The following PLCG1 variants were observed in gnomAD, a reference collection of about 807,000 sequenced individuals.
PLCG1 encodes 1-phosphatidylinositol 4,5-bisphosphate phosphodiesterase gamma-1.
Under a neutral mutation model 177.8 loss-of-function variants are expected in PLCG1, and 71 were observed. The observed-to-expected ratio is 0.40, with a 90% CI of 0.33 to 0.49. The LOEUF (loss-of-function observed/expected upper bound fraction) is 0.49, where lower values mean the gene tolerates loss of function less well. Ranked by LOEUF, PLCG1 falls within the 20% of genes least tolerant of loss-of-function variation. The pLI, the probability that PLCG1 is intolerant of heterozygous loss-of-function variation, is 0.72. For missense variants in PLCG1, 1,281 were observed against 1,709.0 expected, an observed-to-expected ratio of 0.75 and a Z score of 4.42; for synonymous variants, 658 against 647.9, an observed-to-expected ratio of 1.02 and a Z score of -0.24.
chr20:41,141,732 G>A lies in PLCG1; in HGVS notation c.217+3874G>A, dbSNP rs374005158. ...TTCCTCAGCACCCCAGGCTTGCCCC[G>A]ATGTGTGGGTTTCCAGGCCCCCCCG... On this transcript the variant is annotated intron_variant, in intron 1 of 31. Transcript: ENST00000685551. 5.6e-4 allele frequency among the ~76,000 whole-genome samples: 85 copies of A among 152,326 alleles called. 1 individual carries two copies. Among genetic ancestry groups the A allele is most frequent in the East Asian group, 5.2e-3 (27 of 5,188 alleles).
In PLCG1 at chr20:41,144,472, T is replaced by C. The variant is rs2034934439; in HGVS notation, c.217+6614T>C. On this transcript the variant is annotated intron_variant, in intron 1 of 31. Coordinates refer to ENST00000685551, the MANE Select transcript of PLCG1 (RefSeq NM_002660.3). The surrounding 1 kb of genome is among the most constrained non-coding windows in gnomAD (Gnocchi z 4.1). ...GCACTCATCCTTGCCACAACACCGG[T>C]GTCGAGATGCTTGGCCCACCCAGAC... is the stretch of plus-strand genomic sequence containing the variant. Among the ~76,000 whole-genome samples, 1 of 152,112 alleles carries C rather than the reference T, an allele frequency of 6.6e-6. No individual in the cohort carries two copies. The highest frequency in any genetic ancestry group is 1.9e-4 in the East Asian group (1 of 5,192).
At position 41,163,171 on chromosome 20, in the gene PLCG1, C is replaced by T; in HGVS notation, c.717-32C>T. ...GTGGGGCACCTTGTTGTCTGTTGAC[C>T]ATACTAGCTAGCTTACCTTCTCTCC... On this transcript the variant is annotated intron_variant, in intron 7 of 31. Coordinates refer to ENST00000685551, the MANE Select transcript of PLCG1 (RefSeq NM_002660.3). The surrounding 1 kb of genome is among the most constrained non-coding windows in gnomAD (Gnocchi z 5.2). 6.5e-7 allele frequency: 1 copy of T among 1,545,282 alleles called. No homozygotes were observed. Among genetic ancestry groups the T allele is most frequent in the Non-Finnish European group, 8.7e-7 (1 of 1,145,374 alleles).
rs1600681499 is a variant in PLCG1 at position 41,174,836 on chromosome 20, C to T, written c.*327C>T. ...CGAAGCCCCTTGGAGAGAGAGGCTG[C>T]CTCAGCCAGTGGCACAGGAGACTCC... On this transcript the variant is annotated 3_prime_UTR_variant, in exon 32 of 32. Transcript: ENST00000685551. The surrounding 1 kb of genome is among the most constrained non-coding windows in gnomAD (Gnocchi z 5.8). 1 of 335,166 alleles carries T rather than the reference C, an allele frequency of 3.0e-6. No homozygotes were observed. The highest frequency in any genetic ancestry group is 5.6e-6 in the Non-Finnish European group (1 of 178,492). 20.8% of individuals were successfully genotyped at this position (335,166 alleles called of 1,614,324 possible). A position where few individuals can be genotyped will look rare whatever the true frequency, so the allele number is the denominator to read the frequency against.
rs2035617356 is a variant in PLCG1 at position 41,164,527 on chromosome 20, A to C, written c.1217+326A>C. Among the ~76,000 whole-genome samples the C allele has an allele frequency of 6.6e-6, 1 of 152,076 alleles. No homozygotes were observed. The highest frequency in any genetic ancestry group is 2.4e-5 in the African/African-American group (1 of 41,398). On this transcript the variant is annotated intron_variant, in intron 12 of 31. Coordinates refer to ENST00000685551, the MANE Select transcript of PLCG1 (RefSeq NM_002660.3). This position sits in a 1 kb window ranked among gnomAD's most constrained non-coding sequence, Gnocchi z 6.4. ...GCCAACTCCTTTGCCCTCACAGCCC[A>C]GAAGATTGTCTCTGTTCCCTGTGTC... is the stretch of plus-strand genomic sequence containing the variant.
In PLCG1 at chr20:41,173,359, G is replaced by A. The variant is rs920345015; in HGVS notation, c.3280-61G>A. ...CTCCACAGATGCTGACTGAGCCTCC[G>A]CAGTGGGGAATTGGAGGGAGCAGGA... On this transcript the variant is annotated intron_variant, in intron 27 of 31. Coordinates refer to ENST00000685551, the MANE Select transcript of PLCG1 (RefSeq NM_002660.3). The surrounding 1 kb of genome is among the most constrained non-coding windows in gnomAD (Gnocchi z 6.2). The A allele has an allele frequency of 4.6e-5, 67 of 1,470,632 alleles. No individual in the cohort carries two copies. The highest frequency in any genetic ancestry group is 1.2e-4 in the East Asian group (5 of 41,198). 91.1% of individuals were successfully genotyped at this position (1,470,632 alleles called of 1,614,324 possible).
rs1397363601 is a variant in PLCG1 at position 41,144,523 on chromosome 20, G to A, written c.217+6665G>A. ...CTTTCCCACACTCCTACATGGGGGTGAATGTAGCCGCTGATTGGGGGTGGG... is the reference window on the plus strand; with the variant it reads ...CTTTCCCACACTCCTACATGGGGGTAAATGTAGCCGCTGATTGGGGGTGGG... On this transcript the variant is annotated intron_variant, in intron 1 of 31. Transcript: ENST00000685551. The surrounding 1 kb of genome is among the most constrained non-coding windows in gnomAD (Gnocchi z 4.1). Among the ~76,000 whole-genome samples the A allele has an allele frequency of 2.0e-5, 3 of 152,114 alleles. No individual in the cohort carries two copies. Among genetic ancestry groups the A allele is most frequent in the African/African-American group, 7.2e-5 (3 of 41,416 alleles).
At position 41,160,772 on chromosome 20, in the gene PLCG1, AGC is replaced by A. The variant is rs1345503588; in HGVS notation, c.512+622_512+623del. On this transcript the variant is annotated intron_variant, in intron 4 of 31. Coordinates refer to ENST00000685551, the MANE Select transcript of PLCG1 (RefSeq NM_002660.3). The surrounding 1 kb of genome is among the most constrained non-coding windows in gnomAD (Gnocchi z 5.5). ...TTTGGCCATGTTGTATTTTGAAGAT[AGC>A]GCCAGAAAGAATGTCCTTAACAGAT... Among the ~76,000 whole-genome samples the A allele has an allele frequency of 2.0e-5, 3 of 152,196 alleles. No homozygotes were observed. Among genetic ancestry groups the A allele is most frequent in the African/African-American group, 7.2e-5 (3 of 41,440 alleles).
chr20:41,168,174 C>A (rs747671630), intron 20 of PLCG1, among the ~76,000 whole-genome samples: 1 of 152,180 alleles, frequency 6.6e-6, no homozygotes, highest in Non-Finnish European at 1.5e-5. Flanking sequence ...GTGGGTGACC[C>A]CTGTTTCCTT....
chr20:41,144,008 T>G lies in PLCG1; in HGVS notation c.217+6150T>G, dbSNP rs1377378804. Among the ~76,000 whole-genome samples, 1 of 152,226 alleles carries G rather than the reference T, an allele frequency of 6.6e-6. No individual in the cohort carries two copies. The highest frequency in any genetic ancestry group is 1.5e-5 in the Non-Finnish European group (1 of 68,044). On this transcript the variant is annotated intron_variant, in intron 1 of 31. Coordinates refer to ENST00000685551, the MANE Select transcript of PLCG1 (RefSeq NM_002660.3). The surrounding 1 kb of genome is among the most constrained non-coding windows in gnomAD (Gnocchi z 4.1). ...CAACAACCTGGGCTAGGAGTCTGTT[T>G]CCTACTTGCTTTCTGTGTTCCTTCC...
chr20:41,159,500 T>G lies in PLCG1; in HGVS notation c.218-106T>G. On this transcript the variant is annotated intron_variant, in intron 1 of 31. Coordinates refer to ENST00000685551, the MANE Select transcript of PLCG1 (RefSeq NM_002660.3). This position sits in a 1 kb window ranked among gnomAD's most constrained non-coding sequence, Gnocchi z 6.0. ...GTGGTCTTGGCTCTGCCTCTGGGGT[T>G]CCTCCCTGAGAGAGAGTGTAAGAAT... 8.6e-7 allele frequency: 1 copy of G among 1,158,994 alleles called. No individual in the cohort carries two copies. Among genetic ancestry groups the G allele is most frequent in the East Asian group, 2.4e-5 (1 of 41,288 alleles). The allele number at this position is 1,158,994 out of a possible 1,614,324, so 71.8% of individuals were successfully genotyped here.
chr20:41,173,775 T>C lies in PLCG1; in HGVS notation c.3518T>C (p.Leu1173Pro). The C allele has an allele frequency of 6.2e-7, 1 of 1,614,168 alleles. No homozygotes were observed. The highest frequency in any genetic ancestry group is 8.5e-7 in the Non-Finnish European group (1 of 1,180,000). Residue 1173 changes from leucine to proline, a missense_variant, in exon 29 of 32, where the codon CTG becomes CCG. By Grantham distance (98) the Leu-to-Pro change is moderately conservative. This residue lies in a region of PLCG1 where 153 missense variants were observed against 153.2 expected (regional missense o/e 1.00). Transcript: ENST00000685551. The surrounding 1 kb of genome is among the most constrained non-coding windows in gnomAD (Gnocchi z 6.2). The part of the protein sequence containing the change: ...EEDMFSDQNF[L>P]AQATFPVKGL... ...GACATGTTTAGTGACCAGAATTTCC[T>C]GGCTCAGGCTACTTTCCCAGTAAAA...
chr20:41,138,558 C>G (rs566341213), intron 1 of PLCG1, among the ~76,000 whole-genome samples: 1 of 151,664 alleles, frequency 6.6e-6, no homozygotes, highest in African/African-American at 2.4e-5. Context: ...CACTCAATGC[C>G]AGGGCAGGGA....
chr20:41,155,808 C>A (rs1568736256), intron 1 of PLCG1, among the ~76,000 whole-genome samples: 1 of 152,138 alleles, frequency 6.6e-6, no homozygotes, highest in African/African-American at 2.4e-5. Flanking sequence ...ACCAGCACTT[C>A]CCAGCATGGC....
chr20:41,138,228 G>A (rs2034676431), intron 1 of PLCG1, among the ~76,000 whole-genome samples: 1 of 152,156 alleles, frequency 6.6e-6, no homozygotes, highest in Admixed American at 6.5e-5. Flanking sequence ...CCCTGCACGG[G>A]AACCTGGGGC....
At chr20:41,171,382 T>C (rs2035890381) in intron 24 of PLCG1, among the ~76,000 whole-genome samples, 1 of 152,006 alleles carries the variant, frequency 6.6e-6, no homozygotes. Flanking sequence ...AGGTCAGGAC[T>C]TCGAGACCAG....
chr20:41,154,876 C>T (rs2035271203), intron 1 of PLCG1, among the ~76,000 whole-genome samples: 1 of 152,198 alleles, frequency 6.6e-6, no homozygotes, highest in Non-Finnish European at 1.5e-5. Flanking sequence ...CTTCACAGCT[C>T]CCAGAGTGCT....
chr20:41,143,004 T>C (rs1315487506), intron 1 of PLCG1, among the ~76,000 whole-genome samples: 1 of 152,202 alleles, frequency 6.6e-6, no homozygotes, highest in African/African-American at 2.4e-5. Flanking sequence ...CCATCCTCTC[T>C]TGCAGCTCTC....
chr20:41,147,387 C>T lies in PLCG1; in HGVS notation c.217+9529C>T, dbSNP rs928182535. On this transcript the variant is annotated intron_variant, in intron 1 of 31. Transcript: ENST00000685551. The surrounding 1 kb of genome is among the most constrained non-coding windows in gnomAD (Gnocchi z 4.0). ...TCACAAGAGGATGGCCTGGTTCTGG[C>T]CTGAGAACTGGTCTACACCGGAAGC... Among the ~76,000 whole-genome samples the T allele has an allele frequency of 6.6e-6, 1 of 152,240 alleles. No homozygotes were observed. Among genetic ancestry groups the T allele is most frequent in the African/African-American group, 2.4e-5 (1 of 41,462 alleles).
In PLCG1 at chr20:41,176,110, C is replaced by T. The variant is rs1363465637; in HGVS notation, c.*1601C>T. ...GCCTCTAGGACTTGGCAGCTGAAAT[C>T]TCTGGGCCCTTTCAACACAGTTGAA... is the stretch of plus-strand genomic sequence containing the variant. On this transcript the variant is annotated 3_prime_UTR_variant, in exon 32 of 32. Coordinates refer to ENST00000685551, the MANE Select transcript of PLCG1 (RefSeq NM_002660.3). 1.3e-5 allele frequency: 2 copies of T among 152,202 alleles called. No homozygotes were observed. Among genetic ancestry groups the T allele is most frequent in the African/African-American group, 4.8e-5 (2 of 41,434 alleles). The allele number at this position is 152,202 out of a possible 1,614,324, so 9.4% of individuals were successfully genotyped here. A position where few individuals can be genotyped will look rare whatever the true frequency, so the allele number is the denominator to read the frequency against.
Sources: allele counts gnomAD v4.1 joint callset (sites outside exome capture counted in the v4.1 genomes callset), GRCh38; gene constraint gnomAD v4.1.1; regional missense constraint gnomAD v4.1.1; non-coding constraint Gnocchi (gnomAD v3.1); transcripts MANE v1.5; gene names NCBI Gene and HGNC (gene_info 2026-07-23, HGNC 2026-07-21).